The following TBC1D2 variants were observed in gnomAD, a reference collection of about 807,000 sequenced individuals.
The protein encoded by TBC1D2 is TBC1 domain family member 2A.
In TBC1D2, 58 loss-of-function variants were observed where a neutral mutation model predicts 91.1. The observed-to-expected ratio is 0.64, with a 90% CI of 0.52 to 0.79. TBC1D2 has a LOEUF of 0.79. Ranked by LOEUF, TBC1D2 falls within the 30% of genes least tolerant of loss-of-function variation. The pLI, the probability that TBC1D2 is intolerant of heterozygous loss-of-function variation, is 0.00. For missense variants in TBC1D2, 1,080 were observed against 1,208.3 expected, an observed-to-expected ratio of 0.89 and a Z score of 1.57; for synonymous variants, 482 against 511.5, an observed-to-expected ratio of 0.94 and a Z score of 0.78.
In TBC1D2 at chr9:98,210,799, G is replaced by T. The variant is rs555055684; in HGVS notation, c.1530C>A (p.Tyr510Ter). ...CCTGCAGCCTTCTCAGACCGGCCAGGTACTTGCTTTCCACCTGGCAGTTTC... is the reference window on the plus strand; with the variant it reads ...CCTGCAGCCTTCTCAGACCGGCCAGTTACTTGCTTTCCACCTGGCAGTTTC... ...QARNCQVESK[Y>*]LAGLRRLQEA... Residue 510 changes from tyrosine to a stop codon, truncating the protein, a stop_gained, in exon 8 of 13, where the codon TAC (tyrosine) becomes TAA (stop). Transcript: ENST00000465784. LOFTEE classifies it high-confidence loss of function. The T allele has an allele frequency of 1.1e-5, 17 of 1,553,650 alleles. No homozygotes were observed. The East Asian group carries it at 3.9e-4, about 36-fold the overall frequency.
intron 3 of TBC1D2, among the ~76,000 whole-genome samples, chr9:98,237,175 A>G (rs929426294): frequency 5.7e-4 from 86 of 152,028 alleles, no homozygotes; most frequent in African/African-American, 2.0e-3. Context: ...CGTCTTTACT[A>G]AAAATACCAA....
chr9:98,233,000 T>C (rs1227615336), intron 4 of TBC1D2, among the ~76,000 whole-genome samples: 4 of 152,208 alleles, frequency 2.6e-5, no homozygotes, highest in Non-Finnish European at 4.4e-5. Context: ...GTATTTTTAG[T>C]AGCGTGGTGG....
In TBC1D2 at chr9:98,221,111, C is replaced by A; in HGVS notation, c.1096G>T (p.Val366Leu). Residue 366 changes from valine to leucine, a missense_variant, in exon 6 of 13, where the codon GTG (valine) becomes TTG (leucine). By Grantham distance (32) the Val-to-Leu change is conservative. Transcript: ENST00000465784. ...KDRLELVRHK[V>L]RQIAELGRRV... The stretch of plus-strand genomic sequence containing the variant: ...CGGCCCAGCTCCGCGATCTGCCGCA[C>A]TTTGTGCCGCACCAGCTCCAGCCGG... 3 of 1,600,992 alleles carry A rather than the reference C, an allele frequency of 1.9e-6. No homozygotes were observed. The highest frequency in any genetic ancestry group is 2.6e-6 in the Non-Finnish European group (3 of 1,174,458).
At chr9:98,245,552 G>A (rs1293027206) in intron 2 of TBC1D2, among the ~76,000 whole-genome samples, 1 of 152,060 alleles carries the variant, frequency 6.6e-6, no homozygotes, top group Non-Finnish European at 1.5e-5. Flanking sequence ...GGGCAACAGA[G>A]TAAGACCCCG....
At chr9:98,212,506 C>CT (rs35946860) in intron 7 of TBC1D2, among the ~76,000 whole-genome samples, 47,111 of 146,154 alleles carry the variant, frequency 0.32, 7,530 homozygotes, top group Middle Eastern at 0.41. Context: ...CCAAGTGCAT[C>CT]TTTTTTTTTT....
At position 98,228,763 on chromosome 9, in the gene TBC1D2, C is replaced by T. The variant is rs1484005442; in HGVS notation, c.978+189G>A. ...ACCTGCCCTTGGTGCCCTTTTGTGA[C>T]TTACTTTGAGTGACATCAGGTTCTT... On this transcript the variant is annotated intron_variant, in intron 5 of 12. Coordinates refer to ENST00000465784, the MANE Select transcript of TBC1D2 (RefSeq NM_001267571.2). This position sits in a 1 kb window ranked among gnomAD's most constrained non-coding sequence, Gnocchi z 4.0. 6.6e-6 allele frequency among the ~76,000 whole-genome samples: 1 copy of T among 152,176 alleles called. No individual in the cohort carries two copies. The highest frequency in any genetic ancestry group is 1.5e-5 in the Non-Finnish European group (1 of 68,034).
chr9:98,205,592 G>C (rs1333253821), intron 9 of TBC1D2, among the ~76,000 whole-genome samples: 1 of 150,952 alleles, frequency 6.6e-6, no homozygotes, highest in Non-Finnish European at 1.5e-5. Flanking sequence ...TGTTGCCCAG[G>C]CTAGAGTGCA....
Position 98,220,962 on chromosome 9 carries a change from C to T in TBC1D2, c.1245G>A (p.Gln415=). 3 of 1,614,220 alleles carry T rather than the reference C, an allele frequency of 1.9e-6. No individual in the cohort carries two copies. The highest frequency in any genetic ancestry group is 1.7e-6 in the Non-Finnish European group (2 of 1,180,032). ...QLLMDKNHAK[Q]QVICKLSEKV... Reference sequence around the variant, plus strand: ...TCTCAGAGAGCTTGCAGATGACCTGCTGCTTGGCGTGGTTCTTGTCCATAA... The same window carrying T: ...TCTCAGAGAGCTTGCAGATGACCTGTTGCTTGGCGTGGTTCTTGTCCATAA... Residue 415 remains glutamine, a synonymous_variant, in exon 6 of 13, where the codon CAG becomes CAA. Coordinates refer to ENST00000465784, the MANE Select transcript of TBC1D2 (RefSeq NM_001267571.2).
chr9:98,205,279 A>G (rs10985425), intron 9 of TBC1D2, among the ~76,000 whole-genome samples: 13,064 of 152,222 alleles, frequency 0.086, 752 homozygotes, highest in Non-Finnish European at 0.13. Context: ...CACATGTTAA[A>G]AACTCAGTTA....
chr9:98,205,849 A>G (rs1216976353), intron 9 of TBC1D2, among the ~76,000 whole-genome samples: 1 of 151,972 alleles, frequency 6.6e-6, no homozygotes, highest in East Asian at 1.9e-4. Context: ...GGCGTGAGCC[A>G]CGGCGCCGGG....
At chr9:98,248,525 G>A (rs534003421) in intron 2 of TBC1D2, among the ~76,000 whole-genome samples, 6 of 152,358 alleles carry the variant, frequency 3.9e-5, no homozygotes, top group East Asian at 3.9e-4. Context: ...GGCCCTGGAC[G>A]AGTGCCTGGC....
intron 9 of TBC1D2, among the ~76,000 whole-genome samples, chr9:98,207,362 G>A (rs1447813489): frequency 6.6e-6 from 1 of 152,176 alleles, no homozygotes. Context: ...AAATTAAATC[G>A]AGTGAAAACT....
chr9:98,234,250 G>A (rs575508727), intron 3 of TBC1D2, among the ~76,000 whole-genome samples: 1 of 152,258 alleles, frequency 6.6e-6, no homozygotes, highest in African/African-American at 2.4e-5. Context: ...GTTTGCTGGT[G>A]CCCAACACTG....
chr9:98,225,990 C>T (rs772001988), intron 5 of TBC1D2, among the ~76,000 whole-genome samples: 1 of 152,206 alleles, frequency 6.6e-6, no homozygotes, highest in South Asian at 2.1e-4. Flanking sequence ...GAAGGTACCT[C>T]GCAGGGGTAG....
chr9:98,207,758 G>A (rs1370913061), intron 9 of TBC1D2, among the ~76,000 whole-genome samples: 3 of 152,218 alleles, frequency 2.0e-5, no homozygotes, highest in African/African-American at 7.2e-5. Context: ...AATGAAGAGA[G>A]GCCAGAGGCC....
At chr9:98,229,782 C>A (rs1280811200) in intron 4 of TBC1D2, among the ~76,000 whole-genome samples, 1 of 152,214 alleles carries the variant, frequency 6.6e-6, no homozygotes, top group African/African-American at 2.4e-5. Flanking sequence ...GGTTCACAGG[C>A]CAAATCCAGC....
At chr9:98,249,630 C>T (rs368242663) in intron 2 of TBC1D2, among the ~76,000 whole-genome samples, 1 of 152,074 alleles carries the variant, frequency 6.6e-6, no homozygotes, top group East Asian at 1.9e-4. Flanking sequence ...GCAAAGAAAC[C>T]CTTCAAAAGA....
At position 98,220,888 on chromosome 9, in the gene TBC1D2, G is replaced by C; in HGVS notation, c.1319C>G (p.Pro440Arg). ...THPPDQSPLR[P>R]DAANRDFLSQ... ...CAGGAAGTCCCTGTTGGCAGCGTCG[G>C]GGCGCAAAGGAGACTGGTCAGGGGG... The change falls in exon 6 of 13, where the codon CCC becomes CGC. Residue 440 changes from proline (P) to arginine (R), a missense_variant. Physicochemically the swap from Pro to Arg is moderately radical, Grantham distance 103. Coordinates refer to ENST00000465784, the MANE Select transcript of TBC1D2 (RefSeq NM_001267571.2). 1 of 1,614,122 alleles carries C rather than the reference G, an allele frequency of 6.2e-7. No individual in the cohort carries two copies.
intron 5 of TBC1D2, 51 bp from the exon 6 acceptor site, chr9:98,221,279 C>T (rs1242021143): frequency 6.1e-6 from 9 of 1,484,980 alleles, no homozygotes; most frequent in Middle Eastern, 1.8e-4. Context: ...GCCTGCTGGG[C>T]GCCACAGTGG....
Sources: gnomAD v4.1 joint callset for allele counts (sites outside exome capture counted in the v4.1 genomes callset) on GRCh38, gnomAD v4.1.1 for gene constraint, Gnocchi (gnomAD v3.1) non-coding constraint, MANE v1.5 for transcripts, NCBI Gene and HGNC (gene_info 2026-07-23, HGNC 2026-07-21) for gene names.